MARCHF10: variants seen among roughly 807,000 people sequenced by gnomAD.
MARCHF10 encodes probable E3 ubiquitin-protein ligase MARCHF10.
In MARCHF10, 64 loss-of-function variants were observed where a neutral mutation model predicts 76.2. The ratio of observed to expected loss-of-function variants is 0.84; its 90% CI spans 0.69 to 1.03. MARCHF10 has a LOEUF of 1.03. Among genes scored for constraint, MARCHF10 ranks in the 50% least tolerant of loss-of-function variants. The pLI, the probability that MARCHF10 is intolerant of heterozygous loss-of-function variation, is 0.00. For synonymous variants in MARCHF10, 340 were observed against 357.5 expected, an observed-to-expected ratio of 0.95 and a Z score of 0.55; for missense variants, 875 against 958.0, an observed-to-expected ratio of 0.91 and a Z score of 1.14.
chr17:62,766,729 C>A (rs567572296), intron 3 of MARCHF10, among the ~76,000 whole-genome samples: 1 of 152,024 alleles, frequency 6.6e-6, no homozygotes, highest in African/African-American at 2.4e-5. Context: ...GCTTCCTATT[C>A]GGAATAACAG....
At chr17:62,776,135 G>T (rs552967113) in intron 3 of MARCHF10, among the ~76,000 whole-genome samples, 5 of 152,172 alleles carry the variant, frequency 3.3e-5, no homozygotes, top group Admixed American at 2.6e-4. Flanking sequence ...TTTAAAAACT[G>T]GAAACATTTT....
Position 62,788,483 on chromosome 17 carries a change from T to C in MARCHF10, c.207A>G (p.Lys69=), listed in dbSNP as rs778190493. 7 of 1,614,080 alleles carry C rather than the reference T, an allele frequency of 4.3e-6. No individual in the cohort carries two copies. In the South Asian group the frequency reaches 7.7e-5, roughly 18 times the overall value. The change falls in exon 3 of 11, where the codon AAA becomes AAG. Residue 69 remains lysine, a synonymous_variant. Coordinates refer to ENST00000311269, the MANE Select transcript of MARCHF10 (RefSeq NM_152598.4). ...TGTCTCCCAGAATTCTTCATACCTG[T>C]TTGGAAGATGACCTGCTAGAAAACC... ...RSRFSSRSSS[K]QSSSEEDALT...
intron 1 of MARCHF10, chr17:62,804,955 G>A (rs1183476168): frequency 1.3e-5 from 2 of 152,212 alleles, no homozygotes; most frequent in African/African-American, 2.4e-5. Flanking sequence ...ATTCAGTTGT[G>A]CAGATATTGG....
chr17:62,792,622 C>T (rs1337918568), intron 2 of MARCHF10, among the ~76,000 whole-genome samples: 13 of 148,704 alleles, frequency 8.7e-5, no homozygotes, highest in Admixed American at 7.4e-4. Flanking sequence ...CCACCAACGC[C>T]TCCATCACCA....
At chr17:62,794,674 T>C (rs551112371) in intron 2 of MARCHF10, among the ~76,000 whole-genome samples, 1 of 152,328 alleles carries the variant, frequency 6.6e-6, no homozygotes, top group African/African-American at 2.4e-5. Flanking sequence ...TCAGAAGCCA[T>C]GTGCCCCAGG....
At chr17:62,785,007 C>T (rs2092722447) in intron 3 of MARCHF10, among the ~76,000 whole-genome samples, 2 of 152,102 alleles carry the variant, frequency 1.3e-5, no homozygotes, top group Non-Finnish European at 2.9e-5. Flanking sequence ...ATTTTCTTCA[C>T]AGAATTGGAA....
At chr17:62,710,227 G>T (rs1203636654) in intron 9 of MARCHF10, among the ~76,000 whole-genome samples, 1 of 152,166 alleles carries the variant, frequency 6.6e-6, no homozygotes, top group Non-Finnish European at 1.5e-5. Context: ...ATGCTTTGAA[G>T]TTCAGTGTGC....
chr17:62,788,309 A>G (rs1203406962), intron 3 of MARCHF10, among the ~76,000 whole-genome samples, 171 bp downstream of exon 3: 1 of 152,164 alleles, frequency 6.6e-6, no homozygotes, highest in South Asian at 2.1e-4. Flanking sequence ...CCAGGAAGGG[A>G]GTTCCCAGCC....
intron 3 of MARCHF10, among the ~76,000 whole-genome samples, chr17:62,778,247 C>T (rs537355971): frequency 1.1e-4 from 16 of 152,052 alleles, no homozygotes; most frequent in Non-Finnish European, 2.2e-4. Context: ...GGCAGATGAG[C>T]TCGGGAGGTA....
chr17:62,780,219 T>C (rs978581799), intron 3 of MARCHF10, among the ~76,000 whole-genome samples: 1 of 152,236 alleles, frequency 6.6e-6, no homozygotes, highest in Non-Finnish European at 1.5e-5. Context: ...TTTTAATTAA[T>C]TTAAACTTAA....
At chr17:62,796,525 T>C (rs1452217853) in intron 2 of MARCHF10, among the ~76,000 whole-genome samples, 1 of 152,206 alleles carries the variant, frequency 6.6e-6, no homozygotes, top group Non-Finnish European at 1.5e-5. Flanking sequence ...GATTTGACTT[T>C]TAGGAATAGT....
At chr17:62,704,961 T>A (rs75043791) in intron 10 of MARCHF10, 22,844 of 916,398 alleles carry the variant, frequency 0.025, 583 homozygotes, top group Non-Finnish European at 0.028. Context: ...TTTTTTTTTT[T>A]AATGGAAAAA....
At chr17:62,787,249 C>T (rs903044559) in intron 3 of MARCHF10, among the ~76,000 whole-genome samples, 1 of 152,106 alleles carries the variant, frequency 6.6e-6, no homozygotes, top group Non-Finnish European at 1.5e-5. Context: ...CCTAGGTATA[C>T]ATCTACATCT....
At chr17:62,805,940 A>G (rs1248313825) in intron 1 of MARCHF10, among the ~76,000 whole-genome samples, 1 of 151,412 alleles carries the variant, frequency 6.6e-6, no homozygotes, top group Non-Finnish European at 1.5e-5. Flanking sequence ...TAATAAAATA[A>G]TAAAAATAAA....
At chr17:62,761,610 C>CG (rs2092205150) in intron 3 of MARCHF10, among the ~76,000 whole-genome samples, 3 of 151,858 alleles carry the variant, frequency 2.0e-5, no homozygotes, top group Non-Finnish European at 4.4e-5. Context: ...TTAGTAGAGA[C>CG]GGGGTTTCGT....
intron 3 of MARCHF10, among the ~76,000 whole-genome samples, chr17:62,785,718 A>T (rs1370221789): frequency 6.6e-6 from 1 of 152,220 alleles, no homozygotes; most frequent in Non-Finnish European, 1.5e-5. Flanking sequence ...TGGGCAAAGG[A>T]TATGAACAGA....
chr17:62,788,625 T>C (rs773717347), intron 2 of MARCHF10, 26 bp from the exon 3 acceptor site: 2 of 1,613,400 alleles, frequency 1.2e-6, no homozygotes, highest in Non-Finnish European at 1.7e-6. Context: ...AATAAAATGT[T>C]TGTCTTAGGA....
chr17:62,717,234 G>T (rs926326004), intron 8 of MARCHF10, among the ~76,000 whole-genome samples: 3 of 152,242 alleles, frequency 2.0e-5, no homozygotes, highest in African/African-American at 7.2e-5. Context: ...GACAGTCAGG[G>T]CTGCAGTGAG....
chr17:62,776,215 A>G (rs1318942350), intron 3 of MARCHF10, among the ~76,000 whole-genome samples: 1 of 152,226 alleles, frequency 6.6e-6, no homozygotes, highest in Non-Finnish European at 1.5e-5. Flanking sequence ...AAAAAAAGAC[A>G]TTTTATTATA....
Sources: allele counts gnomAD v4.1 joint callset (sites outside exome capture counted in the v4.1 genomes callset), GRCh38; gene constraint gnomAD v4.1.1; transcripts MANE v1.5; gene names NCBI Gene and HGNC (gene_info 2026-07-23, HGNC 2026-07-21).